KCNH7: variants seen among roughly 807,000 people sequenced by gnomAD.
KCNH7 encodes the protein potassium voltage-gated channel subfamily H member 7, also known as voltage-gated inwardly rectifying potassium channel KCNH7.
Under a neutral mutation model 120.8 loss-of-function variants are expected in KCNH7, and 49 were observed. That is an observed-to-expected ratio of 0.41 (90% CI 0.32 to 0.51). KCNH7 has a LOEUF of 0.51. KCNH7 is among the 20% of genes least tolerant of loss of function. KCNH7 has a pLI of 0.38. For missense variants in KCNH7, 1,097 were observed against 1,446.6 expected (o/e 0.76, Z 3.92); for synonymous variants, 547 against 516.1 (o/e 1.06, Z -0.81).
intron 2 of KCNH7, among the ~76,000 whole-genome samples, chr2:162,770,217 G>C (rs1682993827): frequency 6.6e-6 from 1 of 151,508 alleles, no homozygotes; most frequent in Non-Finnish European, 1.5e-5. Flanking sequence ...TTATTTTGAT[G>C]ATTCAAAATT....
intron 2 of KCNH7, among the ~76,000 whole-genome samples, chr2:162,659,063 C>T (rs553993626): frequency 1.3e-5 from 2 of 152,276 alleles, no homozygotes; most frequent in African/African-American, 4.8e-5. Flanking sequence ...GAGGGAACAA[C>T]TACTAGTTTC....
intron 2 of KCNH7, among the ~76,000 whole-genome samples, chr2:162,558,198 G>T (rs1263648936): frequency 2.0e-5 from 3 of 150,734 alleles, no homozygotes; most frequent in African/African-American, 7.3e-5. Context: ...CTTTTTTTGA[G>T]ACGGAGTCTC....
chr2:162,657,875 C>A (rs1684823045), intron 2 of KCNH7, among the ~76,000 whole-genome samples: 1 of 138,850 alleles, frequency 7.2e-6, no homozygotes, highest in Non-Finnish European at 1.5e-5. Context: ...TAGAAGATAA[C>A]AAATAACAAA....
intron 9 of KCNH7, among the ~76,000 whole-genome samples, chr2:162,410,718 C>T (rs1687366575): frequency 6.6e-6 from 1 of 151,960 alleles, no homozygotes; most frequent in South Asian, 2.1e-4. Context: ...GATCCAATAA[C>T]CAGAATCCAT....
At chr2:162,494,265 T>C (rs1485350841) in intron 6 of KCNH7, among the ~76,000 whole-genome samples, 1 of 152,134 alleles carries the variant, frequency 6.6e-6, no homozygotes, top group Non-Finnish European at 1.5e-5. Context: ...AGTCATGATT[T>C]TGGCTAAATA....
chr2:162,788,799 C>T (rs1439416245), intron 2 of KCNH7, among the ~76,000 whole-genome samples: 1 of 151,730 alleles, frequency 6.6e-6, no homozygotes, highest in East Asian at 1.9e-4. Flanking sequence ...ATAGATCAAA[C>T]ATAAAGAGAT....
At chr2:162,482,118 A>G (rs1215400639) in intron 6 of KCNH7, among the ~76,000 whole-genome samples, 1 of 152,184 alleles carries the variant, frequency 6.6e-6, no homozygotes, top group Non-Finnish European at 1.5e-5. Flanking sequence ...AAAATAGACT[A>G]AGTGCTCTTT....
intron 2 of KCNH7, among the ~76,000 whole-genome samples, chr2:162,607,460 C>T (rs950821625): frequency 6.6e-6 from 1 of 151,288 alleles, no homozygotes; most frequent in African/African-American, 2.4e-5. Flanking sequence ...GGTGGTGGGA[C>T]TAAAAATTTA....
intron 5 of KCNH7, among the ~76,000 whole-genome samples, chr2:162,508,876 G>A (rs1189122352): frequency 1.3e-5 from 2 of 151,406 alleles, no homozygotes; most frequent in Non-Finnish European, 3.0e-5. Flanking sequence ...TAAATTTAAA[G>A]GAAATGAATG....
chr2:162,566,931 G>T (rs1268585262), intron 2 of KCNH7, among the ~76,000 whole-genome samples: 4 of 152,006 alleles, frequency 2.6e-5, no homozygotes, highest in Admixed American at 6.6e-5. Context: ...AGCTGGGTGG[G>T]ATGGAAGGAT....
chr2:162,772,390 A>G (rs1683088727), intron 2 of KCNH7, among the ~76,000 whole-genome samples: 1 of 152,204 alleles, frequency 6.6e-6, no homozygotes, highest in Admixed American at 6.6e-5. Context: ...AACAGTTTTC[A>G]GGTTCTTGTA....
chr2:162,618,448 C>T (rs533834246), intron 2 of KCNH7, among the ~76,000 whole-genome samples: 46 of 152,142 alleles, frequency 3.0e-4, no homozygotes, highest in African/African-American at 1.1e-3. Context: ...AGAGGACACA[C>T]ATACGTGCTT....
chr2:162,575,167 A>T (rs186732317), intron 2 of KCNH7, among the ~76,000 whole-genome samples: 1 of 152,152 alleles, frequency 6.6e-6, no homozygotes, highest in East Asian at 1.9e-4. Context: ...TTGACCATGC[A>T]TGGGAGGGTT....
At chr2:162,400,103 C>T in intron 10 of KCNH7, 86 bp downstream of exon 10, 2 of 1,399,912 alleles carry the variant, frequency 1.4e-6, no homozygotes, top group Non-Finnish European at 2.0e-6. Context: ...TGAATACATA[C>T]ATCAGTCTTT....
intron 2 of KCNH7, among the ~76,000 whole-genome samples, chr2:162,788,173 TA>T (rs1559134604): frequency 6.6e-6 from 1 of 152,136 alleles, no homozygotes; most frequent in Non-Finnish European, 1.5e-5. Context: ...TGGCAATAAT[TA>T]AAAATACAAA....
chr2:162,660,598 T>C (rs1284636615), intron 2 of KCNH7, among the ~76,000 whole-genome samples: 1 of 152,218 alleles, frequency 6.6e-6, no homozygotes, highest in Non-Finnish European at 1.5e-5. Context: ...TGAATAAGTA[T>C]TCTGTAGACA....
intron 2 of KCNH7, chr2:162,784,529 C>G (rs1377168013): frequency 1.3e-5 from 2 of 152,148 alleles, no homozygotes; most frequent in Non-Finnish European, 2.9e-5. Context: ...GATATGAGCA[C>G]TGAAGAATTA....
intron 2 of KCNH7, among the ~76,000 whole-genome samples, chr2:162,695,587 A>G (rs1410802957): frequency 2.0e-5 from 3 of 152,220 alleles, no homozygotes; most frequent in Non-Finnish European, 2.9e-5. Flanking sequence ...AAAATGTTCT[A>G]GAAGTTTTCA....
chr2:162,813,774 G>C (rs1684816588), intron 2 of KCNH7, among the ~76,000 whole-genome samples: 1 of 152,134 alleles, frequency 6.6e-6, no homozygotes, highest in Non-Finnish European at 1.5e-5. Context: ...ATGAGTTCCA[G>C]TGAATTGTAC....
Sources: allele counts gnomAD v4.1 joint callset (sites outside exome capture counted in the v4.1 genomes callset), GRCh38; gene constraint gnomAD v4.1.1; transcripts MANE v1.5; gene names NCBI Gene and HGNC (gene_info 2026-07-23, HGNC 2026-07-21).